The following CEP63 variants were observed in gnomAD, a reference collection of about 807,000 sequenced individuals.
CEP63 encodes the protein centrosomal protein of 63 kDa.
In CEP63, 84 loss-of-function variants were observed where a neutral mutation model predicts 89.1. The observed-to-expected ratio is 0.94, with a 90% confidence interval of 0.79 to 1.13. The LOEUF (loss-of-function observed/expected upper bound fraction) is 1.13. Among genes scored for constraint, CEP63 ranks in the 50% most tolerant of loss-of-function variants. The pLI, the probability that CEP63 is intolerant of heterozygous loss-of-function variation, is 0.00. For synonymous variants in CEP63, 267 were observed against 272.5 expected, an observed-to-expected ratio of 0.98 and a Z score of 0.20; for missense variants, 838 against 813.3, an observed-to-expected ratio of 1.03 and a Z score of -0.37.
chr3:134,651,300 T>A, the CEP63 span: 1 of 1,184,088 alleles, frequency 8.4e-7, no homozygotes. Context: ...CCGGTGCACT[T>A]GAAGCGCTGG....
the CEP63 span, among the ~76,000 whole-genome samples, chr3:134,743,573 T>G: frequency 6.6e-6 from 1 of 152,110 alleles, no homozygotes; most frequent in African/African-American, 2.4e-5. Flanking sequence ...TTGGGCCTAC[T>G]TCACTGGACC....
the CEP63 span, among the ~76,000 whole-genome samples, chr3:134,699,639 G>A: frequency 5.9e-5 from 9 of 152,238 alleles, no homozygotes; most frequent in African/African-American, 1.2e-4. Context: ...TCGTCCTCAC[G>A]GTTCTATGTG....
intron 3 of CEP63, among the ~76,000 whole-genome samples, chr3:134,516,667 AG>A (rs1946314175): frequency 6.6e-6 from 1 of 152,206 alleles, no homozygotes; most frequent in Non-Finnish European, 1.5e-5. Flanking sequence ...GCTACCTTCA[AG>A]CATTTGTTTA....
the CEP63 span, among the ~76,000 whole-genome samples, chr3:134,760,356 G>A: frequency 6.6e-6 from 1 of 152,146 alleles, no homozygotes; most frequent in South Asian, 2.1e-4. Context: ...ACCGCGCCCG[G>A]CCAGCACTTT....
chr3:134,597,571 G>T, the CEP63 span, among the ~76,000 whole-genome samples: 1 of 152,218 alleles, frequency 6.6e-6, no homozygotes, highest in Non-Finnish European at 1.5e-5. Flanking sequence ...TTCAAGGTCT[G>T]CCTGAGCTTT....
chr3:134,551,740 TATATATATATATATAC>T lies in CEP63; in HGVS notation c.1381-184_1381-169del, dbSNP rs61251852. Among the ~76,000 whole-genome samples the T allele has an allele frequency of 0.28, 32,076 of 114,228 alleles. 3,824 individuals are homozygous for T. Among genetic ancestry groups the T allele is most frequent in the African/African-American group, 0.36 (12,252 of 34,464 alleles). 74.9% of individuals were successfully genotyped at this position (114,228 alleles called of 152,430 possible). ...TAGAAAGTCCATATATATATATATA[TATATATATATATATAC>T]ACACACACACGTACATATATATATG... is the stretch of plus-strand genomic sequence containing the variant. On this transcript the variant is annotated intron_variant, in intron 11 of 14. Transcript: ENST00000675561.
intron 10 of CEP63, among the ~76,000 whole-genome samples, chr3:134,581,801 G>T (rs1206805620): frequency 7.0e-6 from 1 of 143,628 alleles, no homozygotes; most frequent in Non-Finnish European, 1.5e-5. Context: ...TCAGCCTCCC[G>T]AGTAGCTGGG....
chr3:134,540,019 A>T (rs1951680057), intron 6 of CEP63, among the ~76,000 whole-genome samples: 2 of 152,164 alleles, frequency 1.3e-5, no homozygotes, highest in Non-Finnish European at 2.9e-5. Context: ...TGCACTGTGA[A>T]TGGGAAAGGA....
At position 134,558,188 on chromosome 3, in the gene CEP63, C is replaced by T; in HGVS notation, c.1514C>T (p.Ala505Val). ...GACCTCCAGGAGAATTATATTGAGG[C>T]ATTAAATAAATTAGTGTCTGAAAAT... ...LADLQENYIE[A>V]LNKLVSENQQ... Residue 505 changes from alanine to valine, a missense_variant, in exon 13 of 15, where the codon GCA (alanine) becomes GTA (valine). Coordinates refer to ENST00000675561, the MANE Select transcript of CEP63 (RefSeq NM_001353108.3). 1 of 1,613,594 alleles carries T rather than the reference C, an allele frequency of 6.2e-7. No individual in the cohort carries two copies. The highest frequency in any genetic ancestry group is 1.1e-5 in the South Asian group (1 of 91,066).
intron 8 of CEP63, 122 bp from the exon 9 acceptor site, chr3:134,547,212 AG>A: frequency 1.2e-6 from 1 of 816,964 alleles, no homozygotes; most frequent in Non-Finnish European, 2.0e-6. Context: ...TTTATAAAGC[AG>A]GAGACAAACT....
chr3:134,674,440 TA>T, the CEP63 span, among the ~76,000 whole-genome samples: 1 of 152,222 alleles, frequency 6.6e-6, no homozygotes, highest in Admixed American at 6.5e-5. Flanking sequence ...GGAACTTTTT[TA>T]ATTTGATGAA....
In CEP63 at chr3:134,506,338, G is replaced by C. The variant is rs1576852883; in HGVS notation, c.45-771G>C. Among the ~76,000 whole-genome samples the C allele has an allele frequency of 2.6e-5, 4 of 152,288 alleles. 1 individual carries two copies. The highest frequency in any genetic ancestry group is 9.6e-5 in the African/African-American group (4 of 41,562). Reference sequence around the variant, plus strand: ...CTGGCTGAAGGATGAATTTCTTGAAGCAGCTCTTACAATTGTATTATCACT... The same window carrying C: ...CTGGCTGAAGGATGAATTTCTTGAACCAGCTCTTACAATTGTATTATCACT... On this transcript the variant is annotated intron_variant, in intron 2 of 14. Transcript: ENST00000675561.
At chr3:134,693,263 C>G in the CEP63 span, among the ~76,000 whole-genome samples, 1 of 152,198 alleles carries the variant, frequency 6.6e-6, no homozygotes, top group Non-Finnish European at 1.5e-5. Flanking sequence ...CGCTTTTACA[C>G]TGTCCTGCCT....
At chr3:134,544,619 T>C (rs958371971) in intron 6 of CEP63, among the ~76,000 whole-genome samples, 7 of 121,308 alleles carry the variant, frequency 5.8e-5, no homozygotes, top group African/African-American at 2.1e-4. Flanking sequence ...AACAGAATAA[T>C]TACAACATGC....
chr3:134,537,394 G>A (rs1404192718), intron 6 of CEP63, 126 bp downstream of exon 6: 1 of 690,766 alleles, frequency 1.4e-6, no homozygotes, highest in Admixed American at 2.1e-5. Context: ...CTGCTCTCTT[G>A]TTTAGGAAGC....
the CEP63 span, among the ~76,000 whole-genome samples, chr3:134,775,608 C>T: frequency 5.9e-5 from 9 of 151,868 alleles, no homozygotes. Context: ...CCCAGAGAGT[C>T]CAATACGCCC....
intron 12 of CEP63, 56 bp from the exon 13 acceptor site, chr3:134,558,086 A>G: frequency 7.0e-7 from 1 of 1,424,564 alleles, no homozygotes; most frequent in Non-Finnish European, 9.9e-7. Flanking sequence ...CAGCAGTATC[A>G]CAGATCACAG....
At chr3:134,758,838 C>T in the CEP63 span, among the ~76,000 whole-genome samples, 14 of 152,148 alleles carry the variant, frequency 9.2e-5, no homozygotes, top group African/African-American at 3.4e-4. Context: ...ATGTCCATAT[C>T]CTAATCCCTG....
At chr3:134,538,531 G>GTATATATATATATATA (rs138354332) in intron 6 of CEP63, among the ~76,000 whole-genome samples, 25 of 99,656 alleles carry the variant, frequency 2.5e-4, no homozygotes, top group Non-Finnish European at 4.6e-4. Context: ...TTGTGTGTGT[G>GTATATATATATATATA]TGTATATATA....
Sources: gnomAD v4.1 joint callset for allele counts (sites outside exome capture counted in the v4.1 genomes callset) on GRCh38, gnomAD v4.1.1 for gene constraint, MANE v1.5 for transcripts, NCBI Gene and HGNC (gene_info 2026-07-23, HGNC 2026-07-21) for gene names.